PTPRD: variants seen among roughly 807,000 people sequenced by gnomAD.
PTPRD encodes the protein protein tyrosine phosphatase receptor type D.
In PTPRD, 34 loss-of-function variants were observed where a neutral mutation model predicts 214.5. The ratio of observed to expected loss-of-function variants is 0.16; its 90% confidence interval spans 0.12 to 0.21. The LOEUF (loss-of-function observed/expected upper bound fraction) is 0.21, where lower values mean the gene tolerates loss of function less well. Ranked by LOEUF, PTPRD falls within the 10% of genes least tolerant of loss-of-function variation. PTPRD has a pLI of 1.00. For synonymous variants in PTPRD, 1,128 were observed against 845.7 expected (o/e 1.33, Z -5.79); for missense variants, 2,545 against 2,398.7 (o/e 1.06, Z -1.27).
intron 9 of PTPRD, among the ~76,000 whole-genome samples, chr9:9,332,244 G>C (rs533814900): frequency 6.6e-6 from 1 of 152,088 alleles, no homozygotes; most frequent in Admixed American, 6.6e-5. Flanking sequence ...CAGGTGGAGA[G>C]AGAGAGAGTC....
chr9:10,437,346 G>C (rs1033486333), intron 2 of PTPRD, among the ~76,000 whole-genome samples: 3 of 151,840 alleles, frequency 2.0e-5, no homozygotes, highest in African/African-American at 4.8e-5. Flanking sequence ...ATTGCAAATT[G>C]ATAGCTTTTT....
intron 7 of PTPRD, among the ~76,000 whole-genome samples, chr9:9,646,068 T>G (rs1247204249): frequency 2.0e-5 from 3 of 152,234 alleles, no homozygotes; most frequent in African/African-American, 7.2e-5. Flanking sequence ...TTGTATTTAA[T>G]ACACATTTAC....
intron 7 of PTPRD, among the ~76,000 whole-genome samples, chr9:9,600,038 C>T (rs1028998597): frequency 1.3e-5 from 2 of 151,914 alleles, no homozygotes; most frequent in Non-Finnish European, 2.9e-5. Context: ...TAAATCCAAG[C>T]AGATGAGTTA....
At chr9:8,770,451 T>C in intron 11 of PTPRD, among the ~76,000 whole-genome samples, 1 of 152,184 alleles carries the variant, frequency 6.6e-6, no homozygotes, top group Admixed American at 6.5e-5. Flanking sequence ...GCTTTGTCTA[T>C]TTTCTATTCA....
At chr9:9,192,354 T>A (rs776655456) in intron 9 of PTPRD, among the ~76,000 whole-genome samples, 2 of 152,030 alleles carry the variant, frequency 1.3e-5, no homozygotes, top group East Asian at 1.9e-4. Context: ...CAGTGAAGCA[T>A]GAGCCCCAAG....
In PTPRD at chr9:9,823,974, G is replaced by A. The variant is rs193132929; in HGVS notation, c.-367-57123C>T. On this transcript the variant is annotated intron_variant, in intron 5 of 45. Coordinates refer to ENST00000381196, the MANE Select transcript of PTPRD (RefSeq NM_002839.4). ...TTATGTTTGTATCAAAATATCACAT[G>A]TACCCCATAAATATGTACAACTATT... Among the ~76,000 whole-genome samples, 6 of 151,964 alleles carry A rather than the reference G, an allele frequency of 3.9e-5. No individual in the cohort carries two copies. In the East Asian group the frequency reaches 1.2e-3, roughly 29 times the overall value.
At chr9:9,136,868 T>C (rs912805358) in intron 10 of PTPRD, among the ~76,000 whole-genome samples, 2 of 152,174 alleles carry the variant, frequency 1.3e-5, no homozygotes, top group Non-Finnish European at 2.9e-5. Flanking sequence ...GAGTTGTGTA[T>C]TTCCAATGGG....
chr9:10,355,393 C>T (rs1255568214), intron 2 of PTPRD, among the ~76,000 whole-genome samples: 1 of 151,950 alleles, frequency 6.6e-6, no homozygotes, highest in Admixed American at 6.6e-5. Flanking sequence ...ACATATTGCA[C>T]CATGGAATGT....
chr9:9,226,920 C>T (rs549840228), intron 9 of PTPRD, among the ~76,000 whole-genome samples: 1 of 152,146 alleles, frequency 6.6e-6, no homozygotes, highest in East Asian at 1.9e-4. Flanking sequence ...ATAAATATAT[C>T]TAAATTTTGT....
chr9:10,360,789 T>C (rs2097365678), intron 2 of PTPRD, among the ~76,000 whole-genome samples: 1 of 152,108 alleles, frequency 6.6e-6, no homozygotes, highest in African/African-American at 2.4e-5. Context: ...AAAAGCAATC[T>C]CATTAAAGGG....
intron 7 of PTPRD, among the ~76,000 whole-genome samples, chr9:9,661,795 T>C (rs73390942): frequency 0.062 from 9,472 of 151,694 alleles, 898 homozygotes; most frequent in African/African-American, 0.21. Flanking sequence ...GGGAGATAAC[T>C]TGAAGAGGAG....
At chr9:9,306,250 C>T (rs745905595) in intron 9 of PTPRD, among the ~76,000 whole-genome samples, 7 of 151,866 alleles carry the variant, frequency 4.6e-5, no homozygotes, top group Non-Finnish European at 8.8e-5. Flanking sequence ...ACCACATGTA[C>T]ATATTTGCAC....
chr9:9,601,629 T>A (rs1385178067), intron 7 of PTPRD, among the ~76,000 whole-genome samples: 8 of 152,098 alleles, frequency 5.3e-5, no homozygotes, highest in Non-Finnish European at 1.0e-4. Flanking sequence ...ACACTCTTAT[T>A]CTTAATACAA....
chr9:8,579,095 A>T (rs971139222), intron 14 of PTPRD, among the ~76,000 whole-genome samples: 1 of 152,232 alleles, frequency 6.6e-6, no homozygotes, highest in Non-Finnish European at 1.5e-5. Context: ...TTGATTAATA[A>T]ATCATAGCAA....
At chr9:8,913,878 T>A (rs1039269927) in intron 11 of PTPRD, among the ~76,000 whole-genome samples, 1 of 152,188 alleles carries the variant, frequency 6.6e-6, no homozygotes, top group Non-Finnish European at 1.5e-5. Flanking sequence ...ACCATCTAAG[T>A]ATTACCTGTT....
chr9:8,507,106 T>A (rs1420812061), intron 22 of PTPRD, among the ~76,000 whole-genome samples, 195 bp downstream of exon 22: 1 of 152,078 alleles, frequency 6.6e-6, no homozygotes, highest in Non-Finnish European at 1.5e-5. Flanking sequence ...AAATAACCAC[T>A]GTTTTTTGTC....
intron 39 of PTPRD, among the ~76,000 whole-genome samples, chr9:8,345,311 G>C (rs562701067): frequency 6.6e-6 from 1 of 152,158 alleles, no homozygotes; most frequent in South Asian, 2.1e-4. Flanking sequence ...GCCATACCTG[G>C]ATAGCAGAGA....
rs148661726 is a variant in PTPRD, at chr9:9,346,014, C to G, written c.-203+51435G>C. ...GAAGATTTCAGGTGAAAGTACAACACGAAAAAAGATCTGCTCTTTAAGAGT... is the reference window on the plus strand; with the variant it reads ...GAAGATTTCAGGTGAAAGTACAACAGGAAAAAAGATCTGCTCTTTAAGAGT... On this transcript the variant is annotated intron_variant, in intron 9 of 45. Coordinates refer to ENST00000381196, the MANE Select transcript of PTPRD (RefSeq NM_002839.4). Among the ~76,000 whole-genome samples the G allele has an allele frequency of 2.0e-3, 302 of 152,084 alleles. 2 individuals are homozygous for G. The highest frequency in any genetic ancestry group is 6.7e-3 in the African/African-American group (277 of 41,504).
chr9:10,335,016 A>G (rs1231278790), intron 3 of PTPRD, among the ~76,000 whole-genome samples: 6 of 151,776 alleles, frequency 4.0e-5, no homozygotes, highest in Non-Finnish European at 8.8e-5. Context: ...GTTCTTCCCA[A>G]ATTAATCTAA....
Sources: gnomAD v4.1 joint callset for allele counts (sites outside exome capture counted in the v4.1 genomes callset) on GRCh38, gnomAD v4.1.1 for gene constraint, MANE v1.5 for transcripts, NCBI Gene and HGNC (gene_info 2026-07-23, HGNC 2026-07-21) for gene names.